SMYD4: variants seen among roughly 807,000 people sequenced by gnomAD.
The protein encoded by SMYD4 is protein-lysine N-methyltransferase SMYD4.
SMYD4 carries 68 observed loss-of-function variants against 72.8 expected under a neutral mutation model. The ratio of observed to expected loss-of-function variants is 0.93; its 90% CI spans 0.77 to 1.14. SMYD4 has a LOEUF of 1.14. Among genes scored for constraint, SMYD4 ranks in the 50% most tolerant of loss-of-function variants. SMYD4 has a pLI of 0.00. For missense variants in SMYD4, 984 were observed against 1,003.7 expected (o/e 0.98, Z 0.27); for synonymous variants, 407 against 388.6 (o/e 1.05, Z -0.56).
chr17:1,828,642 G>C (rs60113027), intron 1 of SMYD4, among the ~76,000 whole-genome samples: 8,365 of 145,480 alleles, frequency 0.057, 817 homozygotes, highest in African/African-American at 0.2. Flanking sequence ...CTGTCACCCA[G>C]GCTGGAGTGC....
At chr17:1,821,132 C>A (rs1189393317) in intron 2 of SMYD4, among the ~76,000 whole-genome samples, 3 of 152,158 alleles carry the variant, frequency 2.0e-5, no homozygotes, top group Admixed American at 6.6e-5. Flanking sequence ...AAGACTCACA[C>A]AGACATAAGA....
intron 2 of SMYD4, among the ~76,000 whole-genome samples, chr17:1,824,304 C>G (rs1164142540): frequency 2.6e-5 from 4 of 152,188 alleles, no homozygotes; most frequent in African/African-American, 9.7e-5. Flanking sequence ...GATTGCGCCA[C>G]TGCACTCCAG....
chr17:1,825,846 G>A (rs1156865464), intron 2 of SMYD4, among the ~76,000 whole-genome samples: 1 of 151,252 alleles, frequency 6.6e-6, no homozygotes, highest in Non-Finnish European at 1.5e-5. Flanking sequence ...GCTTAGGATG[G>A]TTCACTCCAC....
intron 5 of SMYD4, among the ~76,000 whole-genome samples, chr17:1,789,124 A>T (rs990024966): frequency 6.6e-6 from 1 of 152,112 alleles, no homozygotes; most frequent in Admixed American, 6.6e-5. Flanking sequence ...ATGGTGGCTC[A>T]TGCCTGTAAT....
At chr17:1,788,696 C>T (rs186292012) in intron 5 of SMYD4, among the ~76,000 whole-genome samples, 85 of 151,840 alleles carry the variant, frequency 5.6e-4, no homozygotes, top group Admixed American at 5.3e-3. Flanking sequence ...GAGCCAAGAT[C>T]GTGCTGCTGC....
intron 1 of SMYD4, among the ~76,000 whole-genome samples, chr17:1,828,428 C>T (rs1411709427): frequency 6.6e-6 from 1 of 151,656 alleles, no homozygotes; most frequent in African/African-American, 2.4e-5. Context: ...GTGGTCTTTT[C>T]CTCTAGTTTA....
At chr17:1,805,467 T>A (rs1021657622) in intron 3 of SMYD4, among the ~76,000 whole-genome samples, 1 of 151,882 alleles carries the variant, frequency 6.6e-6, no homozygotes. Flanking sequence ...ATAATAACCA[T>A]AAATATGGTA....
chr17:1,795,661 C>T (rs934107508), intron 5 of SMYD4, among the ~76,000 whole-genome samples: 35 of 151,404 alleles, frequency 2.3e-4, no homozygotes, highest in Non-Finnish European at 5.0e-4. Context: ...AGGCTGGTCT[C>T]GAACTCCTGA....
intron 3 of SMYD4, among the ~76,000 whole-genome samples, chr17:1,807,186 G>A (rs1328771804): frequency 2.2e-4 from 34 of 151,918 alleles, no homozygotes; most frequent in Admixed American, 2.0e-3. Context: ...CACTGTGCCC[G>A]GCCCTGTGCA....
At chr17:1,812,910 A>G (rs1910410171) in intron 2 of SMYD4, among the ~76,000 whole-genome samples, 1 of 151,048 alleles carries the variant, frequency 6.6e-6, no homozygotes, top group Non-Finnish European at 1.5e-5. Flanking sequence ...ATTATTGGCC[A>G]ACGAACCATC....
intron 4 of SMYD4, among the ~76,000 whole-genome samples, chr17:1,802,008 A>G (rs369393696): frequency 6.6e-6 from 1 of 151,412 alleles, no homozygotes; most frequent in African/African-American, 2.4e-5. Flanking sequence ...AACCAAATAC[A>G]CTCTGCCTCT....
chr17:1,794,629 ACT>A (rs1435660693), intron 5 of SMYD4, among the ~76,000 whole-genome samples: 1 of 151,406 alleles, frequency 6.6e-6, no homozygotes, highest in Non-Finnish European at 1.5e-5. Context: ...TTTGAAAAAG[ACT>A]CTAATCCTTT....
intron 10 of SMYD4, 143 bp from the exon 11 acceptor site, chr17:1,781,582 T>C (rs1261444014): frequency 1.1e-6 from 1 of 912,214 alleles, no homozygotes; most frequent in African/African-American, 1.7e-5. Flanking sequence ...TAAGACACTG[T>C]CACAAACACG....
At chr17:1,794,250 C>T (rs2151228014) in intron 5 of SMYD4, among the ~76,000 whole-genome samples, 1 of 146,180 alleles carries the variant, frequency 6.8e-6, no homozygotes, top group Non-Finnish European at 1.5e-5. Flanking sequence ...GCTGGGACTA[C>T]AGGCGCCCAC....
In SMYD4 at chr17:1,780,718, T is replaced by A. The variant is rs1048976993; in HGVS notation, c.*568A>T. 1 of 149,720 alleles carries A rather than the reference T, an allele frequency of 6.7e-6. No individual in the cohort carries two copies. The highest frequency in any genetic ancestry group is 1.5e-5 in the Non-Finnish European group (1 of 67,736). The allele number at this position is 149,720 out of a possible 1,614,324, so 9.3% of individuals were successfully genotyped here. ...CTCACTGCAAGCTCTTCCTCCCGGG[T>A]TCACCCCATTCTCCTGCCTCAACCT... On this transcript the variant is annotated 3_prime_UTR_variant, in exon 11 of 11. Transcript: ENST00000305513.
rs758750676 is a variant in SMYD4, at chr17:1,783,446, T to C, written c.2051A>G (p.Gln684Arg). ...CCACAGGAAGCTCTCGGCGTCACGC[T>C]GGCACCCCGACAGCCGCTGAACAGC... ...ERAVQRLSGC[Q>R]RDAESFLWAE... is the part of the protein sequence containing the mutation. The change falls in exon 9 of 11, where the codon CAG becomes CGG. Residue 684 changes from glutamine to arginine, a missense_variant. Transcript: ENST00000305513. 2 of 1,611,570 alleles carry C rather than the reference T, an allele frequency of 1.2e-6. No homozygotes were observed. Among genetic ancestry groups the C allele is most frequent in the South Asian group, 2.2e-5 (2 of 90,872 alleles).
intron 7 of SMYD4, among the ~76,000 whole-genome samples, chr17:1,786,062 T>C (rs1342823621): frequency 1.3e-5 from 2 of 152,196 alleles, no homozygotes; most frequent in Non-Finnish European, 2.9e-5. Flanking sequence ...GCTGAGGGTG[T>C]GGCATGTGGC....
At chr17:1,798,558 T>C (rs1426790521) in intron 5 of SMYD4, among the ~76,000 whole-genome samples, 2 of 150,298 alleles carry the variant, frequency 1.3e-5, no homozygotes, top group Admixed American at 6.6e-5. Context: ...AGCCCAGGAG[T>C]TCAAGACCAG....
chr17:1,799,346 G>A (rs1161514111), intron 5 of SMYD4, among the ~76,000 whole-genome samples: 1 of 151,844 alleles, frequency 6.6e-6, no homozygotes, highest in African/African-American at 2.4e-5. Context: ...TTACAGATGA[G>A]AAACTGAGGC....
Sources: allele counts gnomAD v4.1 joint callset (sites outside exome capture counted in the v4.1 genomes callset), GRCh38; gene constraint gnomAD v4.1.1; transcripts MANE v1.5; gene names NCBI Gene and HGNC (gene_info 2026-07-23, HGNC 2026-07-21).